The following ZMYND15 variants were observed in gnomAD, a reference collection of about 807,000 sequenced individuals.
The protein encoded by ZMYND15 is zinc finger MYND domain-containing protein 15.
A neutral mutation model predicts 81.7 loss-of-function variants in ZMYND15; 54 were observed. That is an observed-to-expected ratio of 0.66 (90% CI 0.53 to 0.83). ZMYND15 has a LOEUF of 0.83. Ranked by LOEUF, ZMYND15 falls within the 40% of genes least tolerant of loss-of-function variation. ZMYND15 has a pLI of 0.00. For synonymous variants in ZMYND15, 399 were observed against 387.0 expected (o/e 1.03, Z -0.36); for missense variants, 925 against 973.5 (o/e 0.95, Z 0.66).
In ZMYND15 at chr17:4,740,556, T is replaced by G; in HGVS notation, c.8T>G (p.Phe3Cys). ...CCCTGTGCCGCTGAAGACATGGAGTTTGTGTCTGGATACCGGGATGAGTTC... is the reference window on the plus strand; with the variant it reads ...CCCTGTGCCGCTGAAGACATGGAGTGTGTGTCTGGATACCGGGATGAGTTC... ME[F>C]VSGYRDEFLD... The change falls in exon 2 of 14, where the codon TTT becomes TGT. Residue 3 changes from phenylalanine to cysteine, a missense_variant. Physicochemically the swap from Phe to Cys is radical, Grantham distance 205. Coordinates refer to ENST00000433935, the MANE Select transcript of ZMYND15 (RefSeq NM_001136046.3). 1 of 1,596,600 alleles carries G rather than the reference T, an allele frequency of 6.3e-7. No homozygotes were observed. The highest frequency in any genetic ancestry group is 8.6e-7 in the Non-Finnish European group (1 of 1,168,544).
Position 4,741,043 on chromosome 17 carries a change from G to A in ZMYND15, c.495G>A (p.Glu165=), listed in dbSNP as rs775484535. ...PQETNPPGES[E]EAAREAGGGK... The stretch of plus-strand genomic sequence containing the variant: ...AAACAAACCCTCCAGGAGAGTCAGA[G>A]GAGGCTGCCCGGGAGGCAGGAGGTG... Residue 165 remains glutamate (E), a synonymous_variant, in exon 2 of 14, where the codon GAG becomes GAA. Coordinates refer to ENST00000433935, the MANE Select transcript of ZMYND15 (RefSeq NM_001136046.3). 1 of 1,551,692 alleles carries A rather than the reference G, an allele frequency of 6.4e-7. No individual in the cohort carries two copies.
chr17:4,745,215 T>G lies in ZMYND15; in HGVS notation c.1897T>G (p.Ser633Ala). Residue 633 changes from serine to alanine, a missense_variant and splice_region_variant, in exon 13 of 14, where the codon TCC becomes GCC. Ser to Ala is a moderately conservative substitution (Grantham distance 99). Coordinates refer to ENST00000433935, the MANE Select transcript of ZMYND15 (RefSeq NM_001136046.3). This position sits in a 1 kb window ranked among gnomAD's most constrained non-coding sequence, Gnocchi z 5.2. ...CAGAGCGACTCTCGCTCCACCCCAGTCCCTCCGAGTGCCAGCCTTCTTCAC... is the reference window on the plus strand; with the variant it reads ...CAGAGCGACTCTCGCTCCACCCCAGGCCCTCCGAGTGCCAGCCTTCTTCAC... ...TWLRSLPRLQSLRVPAFFTES... is the reference protein window; with the variant it reads ...TWLRSLPRLQALRVPAFFTES... 6.2e-7 allele frequency: 1 copy of G among 1,613,918 alleles called. No homozygotes were observed. Among genetic ancestry groups the G allele is most frequent in the Non-Finnish European group, 8.5e-7 (1 of 1,179,948 alleles).
chr17:4,740,023 T>C lies in ZMYND15; in HGVS notation c.-58T>C, dbSNP rs1278593024. The C allele has an allele frequency of 3.0e-6, 3 of 985,270 alleles. No homozygotes were observed. Among genetic ancestry groups the C allele is most frequent in the Admixed American group, 6.1e-5 (1 of 16,266 alleles). The allele number at this position is 985,270 out of a possible 1,614,324, so 61.0% of individuals were successfully genotyped here. On this transcript the variant is annotated 5_prime_UTR_variant, in exon 1 of 14. Transcript: ENST00000433935. The stretch of plus-strand genomic sequence containing the variant: ...CGCGCACCCTCCACCGCGAGGTATT[T>C]ACCTTCGAAAAGTGGTGGCGGCTGC...
Position 4,745,731 on chromosome 17 carries a change from C to T in ZMYND15, c.2058-88C>T, listed in dbSNP as rs1287811707. The T allele has an allele frequency of 1.1e-5, 12 of 1,065,048 alleles. No homozygotes were observed. Among genetic ancestry groups the T allele is most frequent in the Non-Finnish European group, 1.6e-5 (12 of 751,034 alleles). The allele number at this position is 1,065,048 out of a possible 1,614,324, so 66.0% of individuals were successfully genotyped here. ...TGGAGCCCCGCCCCCTGGTCCCTGA[C>T]CGCGCCCCTGGGAGCCCCGACCCCT... On this transcript the variant is annotated intron_variant, in intron 13 of 13. Coordinates refer to ENST00000433935, the MANE Select transcript of ZMYND15 (RefSeq NM_001136046.3). This position sits in a 1 kb window ranked among gnomAD's most constrained non-coding sequence, Gnocchi z 5.2.
At position 4,743,814 on chromosome 17, in the gene ZMYND15, C is replaced by G; in HGVS notation, c.1345C>G (p.Pro449Ala). The G allele has an allele frequency of 1.2e-6, 2 of 1,614,068 alleles. No homozygotes were observed. Among genetic ancestry groups the G allele is most frequent in the Non-Finnish European group, 1.7e-6 (2 of 1,179,998 alleles). ...LQGDGTALMP[P>A]VPPHPPRGVF... ...GGGAGACGGGACTGCCCTGATGCCT[C>G]CTGTGCCCCCACATCCACCCCGGGG... Residue 449 changes from proline to alanine, a missense_variant, in exon 7 of 14, where the codon CCT becomes GCT. By Grantham distance (27) the Pro-to-Ala change is conservative (BLOSUM62 -1). Transcript: ENST00000433935. This position sits in a 1 kb window ranked among gnomAD's most constrained non-coding sequence, Gnocchi z 4.3.
At position 4,745,799 on chromosome 17, in the gene ZMYND15, T is replaced by C. The variant is rs1916643074; in HGVS notation, c.2058-20T>C. The C allele has an allele frequency of 1.3e-6, 2 of 1,491,506 alleles. No homozygotes were observed. Among genetic ancestry groups the C allele is most frequent in the Middle Eastern group, 1.9e-4 (1 of 5,274 alleles). The allele number at this position is 1,491,506 out of a possible 1,614,324, so 92.4% of individuals were successfully genotyped here. ...GGAGTCCCGCCCCGTGGTCCCTGAC[T>C]GCGCCCCGCGCCCCCGCAGGTACTG... On this transcript the variant is annotated intron_variant, in intron 13 of 13. Coordinates refer to ENST00000433935, the MANE Select transcript of ZMYND15 (RefSeq NM_001136046.3). The surrounding 1 kb of genome is among the most constrained non-coding windows in gnomAD (Gnocchi z 5.2).
intron 4 of ZMYND15, 130 bp downstream of exon 4, chr17:4,742,200 G>C (rs139943789): frequency 6.5e-7 from 1 of 1,536,934 alleles, no homozygotes; most frequent in Admixed American, 1.8e-5. Context: ...AAACAATACA[G>C]ACTGTTACAG....
At position 4,742,212 on chromosome 17, in the gene ZMYND15, C is replaced by T. The variant is rs1003059649; in HGVS notation, c.984-119C>T. The T allele has an allele frequency of 7.8e-6, 12 of 1,528,918 alleles. No individual in the cohort carries two copies. The Admixed American group carries it at 1.1e-4, about 14-fold the overall frequency. 94.7% of individuals were successfully genotyped at this position (1,528,918 alleles called of 1,614,324 possible). A position where few individuals can be genotyped will look rare whatever the true frequency, so the allele number is the denominator to read the frequency against. ...AGGAAACAATACAGACTGTTACAGG[C>T]GGTTAGAGGGTGTAAGACAAACAGA... On this transcript the variant is annotated intron_variant, in intron 4 of 13. Coordinates refer to ENST00000433935, the MANE Select transcript of ZMYND15 (RefSeq NM_001136046.3).
intron 1 of ZMYND15, chr17:4,740,290 C>G (rs970529190): frequency 1.4e-6 from 1 of 736,810 alleles, no homozygotes; most frequent in African/African-American, 1.8e-5. Context: ...ACCATCTCAT[C>G]CCTGAGTAGT....
chr17:4,743,104 G>T lies in ZMYND15; in HGVS notation c.1145-199G>T, dbSNP rs1916497354. Among the ~76,000 whole-genome samples the T allele has an allele frequency of 6.6e-6, 1 of 152,008 alleles. No individual in the cohort carries two copies. The highest frequency in any genetic ancestry group is 1.5e-5 in the Non-Finnish European group (1 of 67,996). On this transcript the variant is annotated intron_variant, in intron 5 of 13. Coordinates refer to ENST00000433935, the MANE Select transcript of ZMYND15 (RefSeq NM_001136046.3). The surrounding 1 kb of genome is among the most constrained non-coding windows in gnomAD (Gnocchi z 4.3). ...AAAATAGAAAAAATTAGTCAGGCAT[G>T]GTGCACTCGCTTGTGGTCACAATTC...
Position 4,744,485 on chromosome 17 carries a change from C to G in ZMYND15, c.1683+18C>G. ...TGCAGAGGGTGAGGGCTGAGGGGGC[C>G]CTGCTTTTCAGCCCTGACCCCTCCA... On this transcript the variant is annotated intron_variant, in intron 10 of 13. Transcript: ENST00000433935. The surrounding 1 kb of genome is among the most constrained non-coding windows in gnomAD (Gnocchi z 4.1). 1 of 1,608,292 alleles carries G rather than the reference C, an allele frequency of 6.2e-7. No individual in the cohort carries two copies. Among genetic ancestry groups the G allele is most frequent in the Non-Finnish European group, 8.5e-7 (1 of 1,179,776 alleles).
Position 4,739,876 on chromosome 17 carries a change from C to A in ZMYND15, c.-205C>A. 1 of 985,828 alleles carries A rather than the reference C, an allele frequency of 1.0e-6. No homozygotes were observed. The highest frequency in any genetic ancestry group is 1.2e-6 in the Non-Finnish European group (1 of 830,326). 61.1% of individuals were successfully genotyped at this position (985,828 alleles called of 1,614,324 possible). ...TCCCGGGCGGCCCGGTGGAGAGAGT[C>A]GCCGCCAGCCCCGGCCGCGCGCACC... On this transcript the variant is annotated 5_prime_UTR_variant, in exon 1 of 14. Coordinates refer to ENST00000433935, the MANE Select transcript of ZMYND15 (RefSeq NM_001136046.3). This position sits in a 1 kb window ranked among gnomAD's most constrained non-coding sequence, Gnocchi z 5.3.
At position 4,745,517 on chromosome 17, in the gene ZMYND15, TCCCCACTACTCGTC is replaced by T; in HGVS notation, c.2057+143_2057+156del. ...CCAGCCCAGCAACCTGCCTTCTCTG[TCCCCACTACTCGTC>T]GCCCCCATGGGAGGTCTCGACATCC... On this transcript the variant is annotated intron_variant, in intron 13 of 13. Coordinates refer to ENST00000433935, the MANE Select transcript of ZMYND15 (RefSeq NM_001136046.3). This position sits in a 1 kb window ranked among gnomAD's most constrained non-coding sequence, Gnocchi z 5.2. The T allele has an allele frequency of 7.2e-6, 7 of 968,008 alleles. No homozygotes were observed. The highest frequency in any genetic ancestry group is 1.1e-5 in the Non-Finnish European group (7 of 664,600). The allele number at this position is 968,008 out of a possible 1,614,324, so 60.0% of individuals were successfully genotyped here.
At chr17:4,742,739 C>CT (rs891515603) in intron 5 of ZMYND15, among the ~76,000 whole-genome samples, 2 of 152,156 alleles carry the variant, frequency 1.3e-5, no homozygotes, top group African/African-American at 4.8e-5. Context: ...CACTTACTTG[C>CT]TTCCCAGCTC....
At position 4,745,805 on chromosome 17, in the gene ZMYND15, C is replaced by T. The variant is rs770372451; in HGVS notation, c.2058-14C>T. 2 of 1,567,914 alleles carry T rather than the reference C, an allele frequency of 1.3e-6. No individual in the cohort carries two copies. Among genetic ancestry groups the T allele is most frequent in the South Asian group, 2.3e-5 (2 of 88,504 alleles). ...CCGCCCCGTGGTCCCTGACTGCGCC[C>T]CGCGCCCCCGCAGGTACTGCAATGC... On this transcript the variant is annotated splice_polypyrimidine_tract_variant and intron_variant, in intron 13 of 13. Transcript: ENST00000433935. The surrounding 1 kb of genome is among the most constrained non-coding windows in gnomAD (Gnocchi z 5.2).
Position 4,743,537 on chromosome 17 carries a change from C to T in ZMYND15, c.1297+82C>T. ...AAGTTGTCTGGGTCCCAGATGATCCCTCCACATACACACTGACCCCTACCA... is the reference window on the plus strand; with the variant it reads ...AAGTTGTCTGGGTCCCAGATGATCCTTCCACATACACACTGACCCCTACCA... On this transcript the variant is annotated intron_variant, in intron 6 of 13. Coordinates refer to ENST00000433935, the MANE Select transcript of ZMYND15 (RefSeq NM_001136046.3). The surrounding 1 kb of genome is among the most constrained non-coding windows in gnomAD (Gnocchi z 4.3). The T allele has an allele frequency of 1.3e-6, 2 of 1,568,370 alleles. No individual in the cohort carries two copies. The highest frequency in any genetic ancestry group is 2.3e-5 in the South Asian group (2 of 85,494).
rs1219861907 is a variant in ZMYND15 at position 4,739,904 on chromosome 17, C to T, written c.-177C>T. ...CGCCAGCCCCGGCCGCGCGCACCTG[C>T]GGGGCAGCCACCCGCGGACGCACCG... is the stretch of plus-strand genomic sequence containing the variant. On this transcript the variant is annotated 5_prime_UTR_variant, in exon 1 of 14. Transcript: ENST00000433935. The surrounding 1 kb of genome is among the most constrained non-coding windows in gnomAD (Gnocchi z 5.3). 5 of 985,300 alleles carry T rather than the reference C, an allele frequency of 5.1e-6. No homozygotes were observed. In the African/African-American group the frequency reaches 8.7e-5, roughly 17 times the overall value. 61.0% of individuals were successfully genotyped at this position (985,300 alleles called of 1,614,324 possible).
intron 1 of ZMYND15, chr17:4,740,314 G>T: frequency 1.1e-6 from 1 of 922,962 alleles, no homozygotes; most frequent in Non-Finnish European, 1.5e-6. Flanking sequence ...CTCCAACCCT[G>T]GTCACCCACT....
In ZMYND15 at chr17:4,743,483, C is replaced by A; in HGVS notation, c.1297+28C>A. 6.2e-7 allele frequency: 1 copy of A among 1,612,358 alleles called. No individual in the cohort carries two copies. The highest frequency in any genetic ancestry group is 2.2e-5 in the East Asian group (1 of 44,866). The stretch of plus-strand genomic sequence containing the variant: ...GCGTGGGGTCTCTCCAGGCATGGGC[C>A]CCTTGGCCTAGAGGGAAGGACTGGG... On this transcript the variant is annotated intron_variant, in intron 6 of 13. Transcript: ENST00000433935. This position sits in a 1 kb window ranked among gnomAD's most constrained non-coding sequence, Gnocchi z 4.3.
Sources: gnomAD v4.1 joint callset for allele counts (sites outside exome capture counted in the v4.1 genomes callset) on GRCh38, gnomAD v4.1.1 for gene constraint, Gnocchi (gnomAD v3.1) non-coding constraint, MANE v1.5 for transcripts, NCBI Gene and HGNC (gene_info 2026-07-23, HGNC 2026-07-21) for gene names.